The following COLGALT2 variants were observed in gnomAD, a reference collection of about 807,000 sequenced individuals.
COLGALT2 encodes the protein procollagen galactosyltransferase 2.
In COLGALT2, 49 loss-of-function variants were observed where a neutral mutation model predicts 73.4. The ratio of observed to expected loss-of-function variants is 0.67; its 90% CI spans 0.53 to 0.85. The LOEUF (loss-of-function observed/expected upper bound fraction) is 0.85. Among genes scored for constraint, COLGALT2 ranks in the 40% least tolerant of loss-of-function variants. The pLI, the probability that COLGALT2 is intolerant of heterozygous loss-of-function variation, is 0.00. For synonymous variants in COLGALT2, 295 were observed against 307.6 expected (o/e 0.96, Z 0.43); for missense variants, 722 against 790.2 (o/e 0.91, Z 1.03).
chr1:184,006,638 G>T (rs1672094245), intron 1 of COLGALT2, among the ~76,000 whole-genome samples: 1 of 151,236 alleles, frequency 6.6e-6, no homozygotes. Context: ...AGATTATGAG[G>T]GCAAAGGATA....
intron 7 of COLGALT2, among the ~76,000 whole-genome samples, chr1:183,951,836 G>GA (rs973658981): frequency 6.6e-6 from 1 of 152,062 alleles, no homozygotes; most frequent in African/African-American, 2.4e-5. Context: ...CATAGAACCA[G>GA]AAAAAAATCT....
At chr1:183,961,307 C>A (rs1449640513) in intron 6 of COLGALT2, among the ~76,000 whole-genome samples, 17 of 152,142 alleles carry the variant, frequency 1.1e-4, no homozygotes, top group Non-Finnish European at 4.4e-5. Flanking sequence ...TTGTAATTTA[C>A]AATCATTAAA....
chr1:183,980,285 A>G (rs997957714), intron 1 of COLGALT2, among the ~76,000 whole-genome samples: 1 of 152,026 alleles, frequency 6.6e-6, no homozygotes, highest in African/African-American at 2.4e-5. Context: ...GAGTAGAAAC[A>G]AACTAAAATG....
intron 1 of COLGALT2, among the ~76,000 whole-genome samples, chr1:183,993,439 T>C (rs995160884): frequency 6.6e-6 from 1 of 152,138 alleles, no homozygotes; most frequent in African/African-American, 2.4e-5. Context: ...TTCATTGGGG[T>C]GTGTCTTTTA....
chr1:184,019,272 G>GA (rs150647834), intron 1 of COLGALT2, among the ~76,000 whole-genome samples: 4,797 of 152,230 alleles, frequency 0.032, 248 homozygotes, highest in African/African-American at 0.11. Flanking sequence ...GAAGAAACCA[G>GA]GCTGAGCTGT....
intron 1 of COLGALT2, among the ~76,000 whole-genome samples, chr1:184,001,049 G>A (rs1326974206): frequency 6.6e-6 from 1 of 152,042 alleles, no homozygotes; most frequent in Non-Finnish European, 1.5e-5. Context: ...TAGCCAGGAT[G>A]TTCTCGGTCT....
chr1:183,940,071 A>G (rs2102786895), intron 11 of COLGALT2, among the ~76,000 whole-genome samples: 1 of 152,348 alleles, frequency 6.6e-6, no homozygotes, highest in East Asian at 1.9e-4. Context: ...CTCAGGTATC[A>G]GGTCCACACT....
intron 1 of COLGALT2, among the ~76,000 whole-genome samples, chr1:183,980,609 G>C (rs973843872): frequency 1.3e-5 from 2 of 151,948 alleles, no homozygotes; most frequent in Non-Finnish European, 2.9e-5. Flanking sequence ...TTTTTACAAG[G>C]GAATTCTACC....
At chr1:183,980,118 G>A (rs1246106417) in intron 1 of COLGALT2, among the ~76,000 whole-genome samples, 1 of 151,740 alleles carries the variant, frequency 6.6e-6, no homozygotes, top group Non-Finnish European at 1.5e-5. Flanking sequence ...AATTAAAGCA[G>A]TGATTAGAGA....
intron 1 of COLGALT2, among the ~76,000 whole-genome samples, chr1:184,031,089 T>C (rs1649497852): frequency 6.6e-6 from 1 of 152,154 alleles, no homozygotes; most frequent in South Asian, 2.1e-4. Context: ...TATTTTGAAA[T>C]TGGAGGTTGC....
chr1:183,964,732 T>C (rs1261587706), intron 5 of COLGALT2, among the ~76,000 whole-genome samples: 3 of 152,186 alleles, frequency 2.0e-5, no homozygotes, highest in Non-Finnish European at 4.4e-5. Context: ...CCTGATAACT[T>C]GCAGAGTTAT....
chr1:183,975,371 G>A (rs995674157), intron 2 of COLGALT2, among the ~76,000 whole-genome samples, 157 bp from the exon 3 acceptor site: 3 of 152,086 alleles, frequency 2.0e-5, no homozygotes, highest in South Asian at 2.1e-4. Flanking sequence ...TGAGGAAACC[G>A]GAGCAATGAG....
At chr1:183,948,468 A>C (rs1051291181) in intron 8 of COLGALT2, among the ~76,000 whole-genome samples, 6 of 152,200 alleles carry the variant, frequency 3.9e-5, no homozygotes, top group Non-Finnish European at 7.4e-5. Context: ...AACAGGCAAA[A>C]GTCACATGTT....
chr1:184,018,601 A>G (rs1649078937), intron 1 of COLGALT2, among the ~76,000 whole-genome samples: 1 of 152,200 alleles, frequency 6.6e-6, no homozygotes, highest in African/African-American at 2.4e-5. Context: ...AAATCTAGGA[A>G]CACTATAAAC....
chr1:183,970,648 G>A (rs1251160113), intron 4 of COLGALT2, among the ~76,000 whole-genome samples: 1 of 152,070 alleles, frequency 6.6e-6, no homozygotes, highest in South Asian at 2.1e-4. Flanking sequence ...CCTTCTAGCC[G>A]TTTGATCTTA....
chr1:184,021,606 G>A (rs1649184453), intron 1 of COLGALT2, among the ~76,000 whole-genome samples: 1 of 152,110 alleles, frequency 6.6e-6, no homozygotes, highest in Non-Finnish European at 1.5e-5. Flanking sequence ...CCAGAACCAT[G>A]AGCCAGTGAA....
chr1:184,025,575 C>T (rs1397444559), intron 1 of COLGALT2, among the ~76,000 whole-genome samples: 1 of 152,162 alleles, frequency 6.6e-6, no homozygotes, highest in Non-Finnish European at 1.5e-5. Flanking sequence ...AAAGGAAGGA[C>T]CTCCTGGGCA....
rs534103507 is a variant in COLGALT2 at position 183,949,026 on chromosome 1, A to T, written c.1136+1981T>A. On this transcript the variant is annotated intron_variant, in intron 8 of 11. Transcript: ENST00000361927. Reference sequence around the variant, plus strand: ...AAATACTTAGGAGTATATTTAACAAAATAAATGCAAGACTTGTATACTGAA... The same window carrying T: ...AAATACTTAGGAGTATATTTAACAATATAAATGCAAGACTTGTATACTGAA... Among the ~76,000 whole-genome samples, 3 of 152,336 alleles carry T rather than the reference A, an allele frequency of 2.0e-5. No homozygotes were observed. The South Asian group carries it at 6.2e-4, about 32-fold the overall frequency.
downstream of COLGALT2, chr1:183,935,813 G>A: frequency 1.0e-6 from 1 of 980,254 alleles, no homozygotes; most frequent in Non-Finnish European, 1.2e-6. Context: ...AGTGCCTGCG[G>A]AAGCAATTGA....
Sources: allele counts gnomAD v4.1 joint callset (sites outside exome capture counted in the v4.1 genomes callset), GRCh38; gene constraint gnomAD v4.1.1; transcripts MANE v1.5; gene names NCBI Gene and HGNC (gene_info 2026-07-23, HGNC 2026-07-21).